The following SRGAP2 variants were observed in gnomAD, a reference collection of about 807,000 sequenced individuals.
The protein encoded by SRGAP2 is SLIT-ROBO Rho GTPase-activating protein 2.
SRGAP2 carries 15 observed loss-of-function variants against 57.2 expected under a neutral mutation model. That is an observed-to-expected ratio of 0.26 (90% CI 0.18 to 0.40). The LOEUF is 0.40. SRGAP2 is among the 10% of genes least tolerant of loss of function. SRGAP2 has a pLI of 1.00. For synonymous variants in SRGAP2, 249 were observed against 248.0 expected, an observed-to-expected ratio of 1.00 and a Z score of -0.04; for missense variants, 520 against 669.6, an observed-to-expected ratio of 0.78 and a Z score of 2.47.
At chr1:206,421,700 G>C (rs530169847) in intron 13 of SRGAP2, among the ~76,000 whole-genome samples, 2 of 152,138 alleles carry the variant, frequency 1.3e-5, no homozygotes, top group East Asian at 1.9e-4. Context: ...TTCCGGTGGC[G>C]TAGTCATTCT....
chr1:206,356,603 C>T (rs1676454996), intron 4 of SRGAP2, among the ~76,000 whole-genome samples: 1 of 152,182 alleles, frequency 6.6e-6, no homozygotes, highest in Non-Finnish European at 1.5e-5. Flanking sequence ...GAGAGTAGCA[C>T]CTTTGATTTT....
At chr1:206,266,581 T>A (rs1553314569) in intron 2 of SRGAP2, among the ~76,000 whole-genome samples, 1 of 152,112 alleles carries the variant, frequency 6.6e-6, no homozygotes, top group Non-Finnish European at 1.5e-5. Flanking sequence ...ATGAGATGCC[T>A]GGACATTCAG....
chr1:206,361,228 CTG>C lies in SRGAP2; in HGVS notation c.423+18223_423+18224del, dbSNP rs570802807. 9.9e-3 allele frequency among the ~76,000 whole-genome samples: 1,195 copies of C among 120,654 alleles called. 32 individuals carry two copies. The highest frequency in any genetic ancestry group is 0.037 in the African/African-American group (1,132 of 30,506). 79.2% of individuals were successfully genotyped at this position (120,654 alleles called of 152,430 possible). A position where few individuals can be genotyped will look rare whatever the true frequency, so the allele number is the denominator to read the frequency against. On this transcript the variant is annotated intron_variant, in intron 4 of 22. Coordinates refer to ENST00000573034, the MANE Select transcript of SRGAP2 (RefSeq NM_015326.5). ...ATTTGGGTTTTAGAATCTTGGGAAA[CTG>C]TGGTGCCTACAACTTAACCTCCTTT...
intron 3 of SRGAP2, among the ~76,000 whole-genome samples, chr1:206,341,068 T>G (rs1441693866): frequency 3.3e-4 from 50 of 152,240 alleles, no homozygotes; most frequent in African/African-American, 1.4e-4. Context: ...AGTAACTTCT[T>G]GGTTGGGTTA....
chr1:206,307,004 C>A lies in SRGAP2; in HGVS notation c.260+3531C>A, dbSNP rs1672251483. ...CACAGGGTGCTGATTGGTGTATTTA[C>A]AAACCTTGAGCTAGATTCAGAGTGC... On this transcript the variant is annotated intron_variant, in intron 3 of 22. Transcript: ENST00000573034. Among the ~76,000 whole-genome samples, 4 of 151,148 alleles carry A rather than the reference C, an allele frequency of 2.6e-5. No homozygotes were observed. In the South Asian group the frequency reaches 8.4e-4, roughly 32 times the overall value.
intron 4 of SRGAP2, among the ~76,000 whole-genome samples, chr1:206,372,974 T>C (rs1654773264): frequency 1.9e-5 from 1 of 53,248 alleles, no homozygotes; most frequent in Non-Finnish European, 3.6e-5. Context: ...CCTTTCTTTC[T>C]TTCTTTCTTT....
At chr1:206,283,409 C>T (rs1670842560) in intron 2 of SRGAP2, among the ~76,000 whole-genome samples, 1 of 152,090 alleles carries the variant, frequency 6.6e-6, no homozygotes, top group African/African-American at 2.4e-5. Flanking sequence ...CATGGTGGCT[C>T]ACGCCCATAA....
chr1:206,426,099 G>A (rs11799785), intron 13 of SRGAP2, among the ~76,000 whole-genome samples: 2,626 of 151,852 alleles, frequency 0.017, 83 homozygotes, highest in African/African-American at 0.058. Flanking sequence ...CACCTCACCT[G>A]GCCCAACCTC....
intron 5 of SRGAP2, among the ~76,000 whole-genome samples, chr1:206,384,957 C>A (rs1297761003): frequency 1.4e-5 from 2 of 146,560 alleles, no homozygotes; most frequent in African/African-American, 5.2e-5. Flanking sequence ...ATACTGATTT[C>A]TGATGTTTAC....
chr1:206,267,819 T>A (rs1398371503), intron 2 of SRGAP2, among the ~76,000 whole-genome samples: 1 of 149,230 alleles, frequency 6.7e-6, no homozygotes, highest in Admixed American at 6.6e-5. Context: ...ACTAAAAATA[T>A]AATAAATGAA....
Position 206,254,268 on chromosome 1 carries a change from A to G in SRGAP2, c.67+48231A>G, listed in dbSNP as rs377662237. Among the ~76,000 whole-genome samples the G allele has an allele frequency of 4.6e-5, 6 of 131,810 alleles. No individual in the cohort carries two copies. In the East Asian group the frequency reaches 6.7e-4, roughly 15 times the overall value. 86.5% of individuals were successfully genotyped at this position (131,810 alleles called of 152,430 possible). A position where few individuals can be genotyped will look rare whatever the true frequency, so the allele number is the denominator to read the frequency against. On this transcript the variant is annotated intron_variant, in intron 2 of 22. Coordinates refer to ENST00000573034, the MANE Select transcript of SRGAP2 (RefSeq NM_015326.5). ...CTCCATGTACCCAACACCCGGATTA[A>G]ACAGTTATCTCAATTTTGCCAGACT...
intron 2 of SRGAP2, among the ~76,000 whole-genome samples, chr1:206,290,986 G>A (rs1671287346): frequency 6.8e-6 from 1 of 146,722 alleles, no homozygotes; most frequent in Non-Finnish European, 1.5e-5. Context: ...TGGTAAAAAG[G>A]TGGTTGCCCC....
At chr1:206,220,588 T>A (rs1666920932) in intron 2 of SRGAP2, among the ~76,000 whole-genome samples, 1 of 152,218 alleles carries the variant, frequency 6.6e-6, no homozygotes, top group African/African-American at 2.4e-5. Flanking sequence ...TCCAGAATAG[T>A]ATACCACAGC....
At chr1:206,234,344 G>GA (rs1327868278) in intron 2 of SRGAP2, among the ~76,000 whole-genome samples, 4 of 152,068 alleles carry the variant, frequency 2.6e-5, no homozygotes, top group Non-Finnish European at 5.9e-5. Context: ...GCCTCAACCA[G>GA]AAAAAAATTC....
At chr1:206,417,850 T>C (rs1400889266) in intron 11 of SRGAP2, among the ~76,000 whole-genome samples, 2 of 151,932 alleles carry the variant, frequency 1.3e-5, no homozygotes, top group Admixed American at 6.6e-5. Context: ...ACTTTGCTTA[T>C]AGAAAATCTT....
At chr1:206,209,554 C>A (rs528620940) in intron 2 of SRGAP2, among the ~76,000 whole-genome samples, 1 of 152,164 alleles carries the variant, frequency 6.6e-6, no homozygotes, top group African/African-American at 2.4e-5. Flanking sequence ...TAAAAACCAT[C>A]ATTGTTTCTG....
At chr1:206,458,117 G>A (rs548231577) in intron 21 of SRGAP2, among the ~76,000 whole-genome samples, 1 of 152,324 alleles carries the variant, frequency 6.6e-6, no homozygotes, top group Non-Finnish European at 1.5e-5. Flanking sequence ...TCTGCTCCAT[G>A]CCTACAGAAT....
intron 4 of SRGAP2, among the ~76,000 whole-genome samples, chr1:206,383,592 A>G (rs548324494): frequency 3.3e-5 from 5 of 152,120 alleles, no homozygotes; most frequent in African/African-American, 1.2e-4. Flanking sequence ...AAGTCCCTAA[A>G]TGTTTATATA....
At chr1:206,419,703 C>T (rs1253782315) in intron 12 of SRGAP2, among the ~76,000 whole-genome samples, 1 of 152,034 alleles carries the variant, frequency 6.6e-6, no homozygotes, top group African/African-American at 2.4e-5. Flanking sequence ...CATAAACATT[C>T]AACTGTAGAG....
Sources: allele counts gnomAD v4.1 joint callset (sites outside exome capture counted in the v4.1 genomes callset), GRCh38; gene constraint gnomAD v4.1.1; transcripts MANE v1.5; gene names NCBI Gene and HGNC (gene_info 2026-07-23, HGNC 2026-07-21).